The following MARCHF1 variants were observed in gnomAD, a reference collection of about 807,000 sequenced individuals.
MARCHF1 encodes the protein membrane associated ring-CH-type finger 1.
MARCHF1 carries 40 observed loss-of-function variants against 54.2 expected under a neutral mutation model. That is an observed-to-expected ratio of 0.74 (90% CI 0.57 to 0.96). The LOEUF (loss-of-function observed/expected upper bound fraction) is 0.96, where lower values mean the gene tolerates loss of function less well. MARCHF1 is among the 40% of genes least tolerant of loss of function. The pLI, the probability that MARCHF1 is intolerant of heterozygous loss-of-function variation, is 0.00. For missense variants in MARCHF1, 586 were observed against 656.5 expected (o/e 0.89, Z 1.17); for synonymous variants, 236 against 236.3 (o/e 1.00, Z 0.01).
chr4:163,720,025 A>G (rs1745394415), intron 4 of MARCHF1, among the ~76,000 whole-genome samples: 2 of 152,076 alleles, frequency 1.3e-5, no homozygotes, highest in African/African-American at 4.8e-5. Context: ...GAAGCTCTTT[A>G]GTTTAATTAG....
chr4:164,100,017 G>A (rs551212636), intron 2 of MARCHF1, among the ~76,000 whole-genome samples: 3 of 152,194 alleles, frequency 2.0e-5, no homozygotes, highest in Non-Finnish European at 4.4e-5. Flanking sequence ...TCTCTGTATT[G>A]ATCTGTATTC....
In MARCHF1 at chr4:163,578,448, A is replaced by G. The variant is rs144746344; in HGVS notation, c.1191+7301T>C. On this transcript the variant is annotated intron_variant, in intron 8 of 9. Transcript: ENST00000514618. ...TCTATCCAGCCAACAATTATTATTC[A>G]GCAGTTGTTTATTTAAAGCTACTTT... Among the ~76,000 whole-genome samples, 248 of 152,264 alleles carry G rather than the reference A, an allele frequency of 1.6e-3. 1 individual carries two copies. The highest frequency in any genetic ancestry group is 5.5e-3 in the African/African-American group (229 of 41,574).
chr4:164,188,230 C>T lies in MARCHF1; in HGVS notation c.-322-76568G>A, dbSNP rs539650811. ...TCAAGTATATATACACAAATACTTT[C>T]TCGATGCCGGCCGAGACAGCACAGA... On this transcript the variant is annotated intron_variant, in intron 1 of 9. Transcript: ENST00000514618. 5 of 242,166 alleles carry T rather than the reference C, an allele frequency of 2.1e-5. No homozygotes were observed. The South Asian group carries it at 3.0e-4, about 15-fold the overall frequency. The allele number at this position is 242,166 out of a possible 1,614,324, so 15.0% of individuals were successfully genotyped here. A position where few individuals can be genotyped will look rare whatever the true frequency, so the allele number is the denominator to read the frequency against.
At chr4:164,302,688 G>A (rs1018340320) in intron 1 of MARCHF1, among the ~76,000 whole-genome samples, 3 of 151,934 alleles carry the variant, frequency 2.0e-5, no homozygotes, top group Non-Finnish European at 4.4e-5. Flanking sequence ...GATAAACCTG[G>A]CAAACATGGC....
intron 3 of MARCHF1, among the ~76,000 whole-genome samples, chr4:163,972,344 T>C (rs1055763181): frequency 1.3e-5 from 2 of 152,126 alleles, no homozygotes; most frequent in African/African-American, 2.4e-5. Context: ...ACTTAAAGTA[T>C]AATAAAAAAT....
intron 3 of MARCHF1, among the ~76,000 whole-genome samples, chr4:163,948,590 G>A (rs1752068240): frequency 6.6e-6 from 1 of 152,190 alleles, no homozygotes; most frequent in Admixed American, 6.5e-5. Flanking sequence ...AAGCCTATAT[G>A]TAGACAGGAC....
chr4:164,317,452 G>A (rs192901497), intron 1 of MARCHF1, among the ~76,000 whole-genome samples: 4 of 152,192 alleles, frequency 2.6e-5, no homozygotes, highest in Admixed American at 1.3e-4. Flanking sequence ...CTTTCTTCAC[G>A]GTCTGTGCTG....
chr4:163,935,327 G>A (rs1485173424), intron 3 of MARCHF1, among the ~76,000 whole-genome samples: 1 of 152,154 alleles, frequency 6.6e-6, no homozygotes, highest in Non-Finnish European at 1.5e-5. Context: ...AAAGACCTAG[G>A]TGGTAACATC....
intron 1 of MARCHF1, among the ~76,000 whole-genome samples, chr4:164,291,324 T>C (rs1579693827): frequency 2.6e-5 from 4 of 152,144 alleles, no homozygotes; most frequent in African/African-American, 2.4e-5. Context: ...ATTTTTTGCA[T>C]GTCATTTCTA....
chr4:163,900,617 T>C (rs1026610849), intron 3 of MARCHF1, among the ~76,000 whole-genome samples: 3 of 152,168 alleles, frequency 2.0e-5, no homozygotes, highest in African/African-American at 7.2e-5. Context: ...CATGATTATC[T>C]GTTTCTTATA....
chr4:164,014,000 A>C (rs1753482815), intron 2 of MARCHF1, among the ~76,000 whole-genome samples: 1 of 152,096 alleles, frequency 6.6e-6, no homozygotes, highest in Non-Finnish European at 1.5e-5. Context: ...CATCCTGGTC[A>C]AAATGGTGAA....
At chr4:164,230,194 G>A (rs1231539713) in intron 1 of MARCHF1, among the ~76,000 whole-genome samples, 3 of 152,066 alleles carry the variant, frequency 2.0e-5, no homozygotes, top group Non-Finnish European at 4.4e-5. Flanking sequence ...TCAGGAGTTT[G>A]AGACCAGCCT....
chr4:163,633,633 A>C (rs1377670360), intron 5 of MARCHF1, among the ~76,000 whole-genome samples: 1 of 152,234 alleles, frequency 6.6e-6, no homozygotes, highest in Non-Finnish European at 1.5e-5. Flanking sequence ...GTATACCTGA[A>C]AGTGATGGGG....
chr4:163,705,268 A>G (rs1744916800), intron 4 of MARCHF1, among the ~76,000 whole-genome samples: 1 of 151,788 alleles, frequency 6.6e-6, no homozygotes, highest in African/African-American at 2.4e-5. Flanking sequence ...TCCCTAATCC[A>G]TATTATTAAC....
At chr4:163,905,088 T>C (rs759500345) in intron 3 of MARCHF1, among the ~76,000 whole-genome samples, 8 of 152,128 alleles carry the variant, frequency 5.3e-5, no homozygotes, top group Admixed American at 1.3e-4. Flanking sequence ...TGGATAATGA[T>C]CCCTAAAGGT....
chr4:164,242,640 T>C (rs1276661342), intron 1 of MARCHF1, among the ~76,000 whole-genome samples: 6 of 151,486 alleles, frequency 4.0e-5, no homozygotes, highest in Admixed American at 1.3e-4. Flanking sequence ...ATGACTTTGA[T>C]GAGCTGTGAG....
chr4:163,727,770 T>C (rs1388093641), intron 4 of MARCHF1, among the ~76,000 whole-genome samples: 2 of 152,116 alleles, frequency 1.3e-5, no homozygotes, highest in Non-Finnish European at 2.9e-5. Flanking sequence ...CCTCCTGGGC[T>C]CAAATGATCC....
At chr4:163,845,500 C>T (rs1266889864) in intron 4 of MARCHF1, among the ~76,000 whole-genome samples, 1 of 149,060 alleles carries the variant, frequency 6.7e-6, no homozygotes, top group Non-Finnish European at 1.5e-5. Context: ...CACACACACA[C>T]ACACGTAAGG....
chr4:163,706,754 T>A (rs1428155831), intron 4 of MARCHF1, among the ~76,000 whole-genome samples: 3 of 151,856 alleles, frequency 2.0e-5, no homozygotes, highest in Non-Finnish European at 2.9e-5. Flanking sequence ...GTAGATAAAA[T>A]GATCTTAAAA....
Sources: gnomAD v4.1 joint callset for allele counts (sites outside exome capture counted in the v4.1 genomes callset) on GRCh38, gnomAD v4.1.1 for gene constraint, MANE v1.5 for transcripts, NCBI Gene and HGNC (gene_info 2026-07-23, HGNC 2026-07-21) for gene names.